The following LYRM4 variants were observed in gnomAD, a reference collection of about 807,000 sequenced individuals.
LYRM4 encodes LYR motif containing 4.
A neutral mutation model predicts 11.7 loss-of-function variants in LYRM4; 9 were observed. That is an observed-to-expected ratio of 0.77 (90% CI 0.46 to 1.34). The LOEUF (loss-of-function observed/expected upper bound fraction) is 1.34. Among genes scored for constraint, LYRM4 ranks in the 40% most tolerant of loss-of-function variants. LYRM4 has a pLI of 0.00. For missense variants in LYRM4, 133 were observed against 112.5 expected (o/e 1.18, Z -0.82); for synonymous variants, 42 against 40.4 (o/e 1.04, Z -0.15).
At chr6:5,112,976 C>A (rs948763608) in intron 2 of LYRM4, 2 of 174,930 alleles carry the variant, frequency 1.1e-5, no homozygotes, top group Non-Finnish European at 1.2e-5. Context: ...AGGGCCAGAA[C>A]ACAGATGCCA....
chr6:5,257,643 G>A (rs1027294822), intron 1 of LYRM4, among the ~76,000 whole-genome samples: 9 of 152,146 alleles, frequency 5.9e-5, no homozygotes, highest in South Asian at 2.1e-4. Flanking sequence ...GATCAGCGGC[G>A]GCATTAGATT....
At chr6:5,186,305 A>G (rs1331428058) in intron 2 of LYRM4, among the ~76,000 whole-genome samples, 1 of 152,186 alleles carries the variant, frequency 6.6e-6, no homozygotes, top group Non-Finnish European at 1.5e-5. Flanking sequence ...CAGGCTTACT[A>G]GCATCACAGA....
intron 2 of LYRM4, among the ~76,000 whole-genome samples, chr6:5,177,666 G>A (rs1211932609): frequency 2.0e-5 from 3 of 152,170 alleles, no homozygotes; most frequent in Admixed American, 6.5e-5. Flanking sequence ...ACGGCACCAG[G>A]TTATTTCCGT....
chr6:5,089,285 A>G, the LYRM4 span: 4 of 152,374 alleles, frequency 2.6e-5, no homozygotes, highest in South Asian at 4.1e-4. Context: ...TTGGTCTGAT[A>G]TACCATTTCT....
intron 1 of LYRM4, among the ~76,000 whole-genome samples, chr6:5,227,084 T>C (rs1332053087): frequency 2.0e-5 from 3 of 152,198 alleles, no homozygotes; most frequent in Non-Finnish European, 4.4e-5. Context: ...TCTATGAGTA[T>C]ATTTTTAGAC....
chr6:5,182,341 T>C (rs1413945277), intron 2 of LYRM4, among the ~76,000 whole-genome samples: 1 of 152,256 alleles, frequency 6.6e-6, no homozygotes, highest in Non-Finnish European at 1.5e-5. Context: ...TGTGTTGTTT[T>C]AGTTACCCTT....
the LYRM4 span, among the ~76,000 whole-genome samples, chr6:5,042,198 T>C: frequency 6.6e-6 from 1 of 152,212 alleles, no homozygotes; most frequent in African/African-American, 2.4e-5. Context: ...TCCTTGGCCC[T>C]AAATGGAGGG....
At chr6:5,059,959 C>T in the LYRM4 span, among the ~76,000 whole-genome samples, 1 of 152,162 alleles carries the variant, frequency 6.6e-6, no homozygotes, top group Non-Finnish European at 1.5e-5. Context: ...AGACATGACA[C>T]CTGGCTTTAA....
chr6:5,091,415 G>A, the LYRM4 span, among the ~76,000 whole-genome samples: 1 of 152,210 alleles, frequency 6.6e-6, no homozygotes, highest in Non-Finnish European at 1.5e-5. Context: ...GCTGATCAGG[G>A]AGGTGACATC....
At chr6:5,179,065 C>CAAAAAAAAA (rs58749743) in intron 2 of LYRM4, among the ~76,000 whole-genome samples, 950 of 102,408 alleles carry the variant, frequency 9.3e-3, no homozygotes, top group Non-Finnish European at 0.014. Flanking sequence ...ACCAAAAAAA[C>CAAAAAAAAA]AAAAAAAAAA....
At chr6:5,085,665 C>G in the LYRM4 span, 110 of 1,548,428 alleles carry the variant, frequency 7.1e-5, no homozygotes, top group Non-Finnish European at 9.1e-5. Context: ...GGCCCCTGTC[C>G]CCGAAGGAAG....
At chr6:5,088,861 T>G in the LYRM4 span, 1 of 152,190 alleles carries the variant, frequency 6.6e-6, no homozygotes, top group African/African-American at 2.4e-5. Context: ...TGTTGCCTTC[T>G]TTCACCTAAA....
the LYRM4 span, chr6:5,066,728 C>T: frequency 2.5e-6 from 2 of 793,186 alleles, no homozygotes; most frequent in East Asian, 2.5e-5. Context: ...ATACGATTTG[C>T]GCCAGGGTCT....
At chr6:5,034,944 G>A in the LYRM4 span, among the ~76,000 whole-genome samples, 1 of 151,572 alleles carries the variant, frequency 6.6e-6, no homozygotes, top group Non-Finnish European at 1.5e-5. Flanking sequence ...CAGATCAGGA[G>A]GCTGTGGGAG....
intron 1 of LYRM4, among the ~76,000 whole-genome samples, chr6:5,258,549 T>G (rs1313386525): frequency 6.6e-6 from 1 of 152,156 alleles, no homozygotes; most frequent in Admixed American, 6.5e-5. Flanking sequence ...CTGCAGAGAT[T>G]AGAGAGGAGG....
the LYRM4 span, among the ~76,000 whole-genome samples, chr6:5,065,112 CAT>C: frequency 6.6e-6 from 1 of 152,156 alleles, no homozygotes; most frequent in Non-Finnish European, 1.5e-5. Context: ...TAGTTAGAAT[CAT>C]ACAGTATATA....
chr6:5,133,831 G>A (rs1046443507), intron 2 of LYRM4, among the ~76,000 whole-genome samples: 6 of 152,102 alleles, frequency 3.9e-5, no homozygotes, highest in South Asian at 2.1e-4. Context: ...ATGGGTTTCC[G>A]TAGACATGCA....
intron 2 of LYRM4, among the ~76,000 whole-genome samples, chr6:5,206,192 T>A (rs993161941): frequency 6.6e-6 from 1 of 152,152 alleles, no homozygotes. Flanking sequence ...TGGCAATCAT[T>A]AGCATTTATT....
intron 2 of LYRM4, among the ~76,000 whole-genome samples, chr6:5,192,480 CTTTT>C (rs1440929059): frequency 6.6e-6 from 1 of 152,176 alleles, no homozygotes; most frequent in Non-Finnish European, 1.5e-5. Flanking sequence ...GAAAAATTGA[CTTTT>C]TTTAATTTAA....
Sources: allele counts gnomAD v4.1 joint callset (sites outside exome capture counted in the v4.1 genomes callset), GRCh38; gene constraint gnomAD v4.1.1; transcripts MANE v1.5; gene names NCBI Gene and HGNC (gene_info 2026-07-23, HGNC 2026-07-21).